The following STRN variants were observed in gnomAD, a reference collection of about 807,000 sequenced individuals.
STRN encodes the protein protein phosphatase 2 regulatory subunit B'''alpha.
In STRN, 53 loss-of-function variants were observed where a neutral mutation model predicts 96.3. The ratio of observed to expected loss-of-function variants is 0.55; its 90% CI spans 0.44 to 0.69. The LOEUF is 0.69. STRN is among the 30% of genes least tolerant of loss of function. The probability of loss-of-function intolerance (pLI) is 0.00; values close to 1 mark genes in which losing one functional copy is unlikely to be tolerated. For missense variants in STRN, 987 were observed against 963.9 expected (o/e 1.02, Z -0.32); for synonymous variants, 428 against 355.9 (o/e 1.20, Z -2.28).
chr2:36,875,109 G>T (rs1362241291), intron 10 of STRN, among the ~76,000 whole-genome samples: 1 of 152,110 alleles, frequency 6.6e-6, no homozygotes, highest in African/African-American at 2.4e-5. Flanking sequence ...TCTTTGCATA[G>T]AAAATTTTGA....
chr2:36,940,165 G>A (rs1448709790), intron 1 of STRN, among the ~76,000 whole-genome samples: 1 of 152,166 alleles, frequency 6.6e-6, no homozygotes, highest in African/African-American at 2.4e-5. Context: ...TATAATCGGA[G>A]TTAAGATATA....
intron 1 of STRN, among the ~76,000 whole-genome samples, chr2:36,947,658 A>G (rs1043633657): frequency 7.9e-5 from 12 of 151,292 alleles, no homozygotes; most frequent in Admixed American, 6.6e-4. Flanking sequence ...GTTCTTTGAC[A>G]GAGAAAGCAC....
Position 36,844,891 on chromosome 2 carries a change from G to A in STRN, c.*4565C>T, listed in dbSNP as rs532396818. 2 of 152,050 alleles carry A rather than the reference G, an allele frequency of 1.3e-5. No homozygotes were observed. The highest frequency in any genetic ancestry group is 2.4e-5 in the African/African-American group (1 of 41,400). The allele number at this position is 152,050 out of a possible 1,614,324, so 9.4% of individuals were successfully genotyped here. A position where few individuals can be genotyped will look rare whatever the true frequency, so the allele number is the denominator to read the frequency against. On this transcript the variant is annotated 3_prime_UTR_variant, in exon 18 of 18. Coordinates refer to ENST00000263918, the MANE Select transcript of STRN (RefSeq NM_003162.4). ...GTTTTTCTGGGCCTTTCTCTAAAAT[G>A]AACTTTAGGGCTTGATACATTTCAC...
rs374214231 is a variant in STRN, at chr2:36,886,836, G to C, written c.932-10C>G. The C allele has an allele frequency of 1.2e-6, 2 of 1,602,214 alleles. No homozygotes were observed. Among genetic ancestry groups the C allele is most frequent in the East Asian group, 2.2e-5 (1 of 44,620 alleles). On this transcript the variant is annotated splice_polypyrimidine_tract_variant and intron_variant, in intron 7 of 17. Coordinates refer to ENST00000263918, the MANE Select transcript of STRN (RefSeq NM_003162.4). ...CACTGGTCTTCCTTTTCTAAACAGAGTGAAACAAATGAAACAGCCTTTTTC... is the reference window on the plus strand; with the variant it reads ...CACTGGTCTTCCTTTTCTAAACAGACTGAAACAAATGAAACAGCCTTTTTC...
At chr2:36,862,384 C>T (rs1028061054) in intron 12 of STRN, among the ~76,000 whole-genome samples, 1 of 152,162 alleles carries the variant, frequency 6.6e-6, no homozygotes, top group Non-Finnish European at 1.5e-5. Context: ...TTAAGTGTTC[C>T]TTTTTCTCCA....
At position 36,966,455 on chromosome 2, in the gene STRN, C is replaced by T. The variant is rs1665167992; in HGVS notation, c.9G>A (p.Glu3=). 8 of 1,460,394 alleles carry T rather than the reference C, an allele frequency of 5.5e-6. No individual in the cohort carries two copies. The highest frequency in any genetic ancestry group is 6.3e-6 in the Non-Finnish European group (7 of 1,108,406). 90.5% of individuals were successfully genotyped at this position (1,460,394 alleles called of 1,614,324 possible). MD[E]QAGPGVFFSN... is the part of the protein sequence containing the mutation. The stretch of plus-strand genomic sequence containing the variant: ...TGAAGAAGACGCCGGGACCCGCCTG[C>T]TCGTCCATGGCGGCCGCAGATACCC... The change falls in exon 1 of 18, where the codon GAG becomes GAA. Residue 3 remains glutamate, a synonymous_variant. Coordinates refer to ENST00000263918, the MANE Select transcript of STRN (RefSeq NM_003162.4).
In STRN at chr2:36,867,765, C is replaced by G. The variant is rs375007604; in HGVS notation, c.1547+49G>C. On this transcript the variant is annotated intron_variant, in intron 12 of 17. Coordinates refer to ENST00000263918, the MANE Select transcript of STRN (RefSeq NM_003162.4). ...AAGAAAATAAAATATCCTAACCAGG[C>G]TATTTTACAGAGATATCGGTTTAAA... The G allele has an allele frequency of 2.6e-5, 32 of 1,224,994 alleles. No individual in the cohort carries two copies. The African/African-American group carries it at 4.0e-4, about 15-fold the overall frequency. The allele number at this position is 1,224,994 out of a possible 1,614,324, so 75.9% of individuals were successfully genotyped here.
chr2:36,926,631 T>C (rs1670417895), intron 1 of STRN, among the ~76,000 whole-genome samples: 2 of 152,220 alleles, frequency 1.3e-5, no homozygotes, highest in African/African-American at 2.4e-5. Flanking sequence ...ATCCAACTTA[T>C]CTAGTCTCTT....
chr2:36,862,887 C>T (rs1668528968), intron 12 of STRN, among the ~76,000 whole-genome samples: 1 of 152,104 alleles, frequency 6.6e-6, no homozygotes, highest in Admixed American at 6.5e-5. Flanking sequence ...AGGCGCCCAC[C>T]ACCACGCCCG....
chr2:36,948,040 T>A lies in STRN; in HGVS notation c.234+18190A>T, dbSNP rs146325668. Among the ~76,000 whole-genome samples, 414 of 147,214 alleles carry A rather than the reference T, an allele frequency of 2.8e-3. 3 individuals carry two copies. The highest frequency in any genetic ancestry group is 8.9e-3 in the African/African-American group (356 of 40,076). On this transcript the variant is annotated intron_variant, in intron 1 of 17. Transcript: ENST00000263918. ...TCTTCCAAAACATTTCCCCTCATCCTATAGAATGATCATCCTCTCCTCTAT... is the reference window on the plus strand; with the variant it reads ...TCTTCCAAAACATTTCCCCTCATCCAATAGAATGATCATCCTCTCCTCTAT...
chr2:36,881,613 G>A (rs1669072586), intron 9 of STRN, among the ~76,000 whole-genome samples: 1 of 152,096 alleles, frequency 6.6e-6, no homozygotes, highest in Non-Finnish European at 1.5e-5. Context: ...GAGGGGGAAG[G>A]CTTAGGACCA....
chr2:36,933,634 G>A (rs1427457824), intron 1 of STRN, among the ~76,000 whole-genome samples: 4 of 152,114 alleles, frequency 2.6e-5, no homozygotes, highest in Non-Finnish European at 4.4e-5. Flanking sequence ...GTTTTTGGAA[G>A]TTTTTTTGAG....
At chr2:36,891,493 C>G (rs957333333) in intron 7 of STRN, among the ~76,000 whole-genome samples, 1 of 151,786 alleles carries the variant, frequency 6.6e-6, no homozygotes, top group African/African-American at 2.4e-5. Flanking sequence ...CCACTGCACT[C>G]TAGCCTGGGC....
intron 4 of STRN, among the ~76,000 whole-genome samples, chr2:36,904,663 C>T (rs902345082): frequency 6.6e-6 from 1 of 151,890 alleles, no homozygotes; most frequent in African/African-American, 2.4e-5. Context: ...CCCATCTCTA[C>T]AAAAATACAA....
At chr2:36,929,359 CATTTA>C (rs1670507757) in intron 1 of STRN, among the ~76,000 whole-genome samples, 1 of 151,914 alleles carries the variant, frequency 6.6e-6, no homozygotes, top group African/African-American at 2.4e-5. Context: ...TAAAATGCAC[CATTTA>C]ATTTATTAAA....
intron 1 of STRN, among the ~76,000 whole-genome samples, chr2:36,949,311 C>T (rs1664697007): frequency 6.6e-6 from 1 of 152,124 alleles, no homozygotes; most frequent in Non-Finnish European, 1.5e-5. Context: ...CAGAACATAT[C>T]CCTGTTGTTA....
intron 1 of STRN, among the ~76,000 whole-genome samples, chr2:36,933,241 T>C (rs1670619838): frequency 6.6e-6 from 1 of 152,146 alleles, no homozygotes; most frequent in Non-Finnish European, 1.5e-5. Flanking sequence ...ATAAATAATC[T>C]AGAGATGATT....
chr2:36,955,392 G>A (rs981804112), intron 1 of STRN, among the ~76,000 whole-genome samples: 2 of 152,208 alleles, frequency 1.3e-5, no homozygotes, highest in African/African-American at 4.8e-5. Flanking sequence ...GAGGAGGGCA[G>A]TGCACATGTG....
chr2:36,868,423 C>G (rs893321589), intron 11 of STRN, among the ~76,000 whole-genome samples: 1 of 152,128 alleles, frequency 6.6e-6, no homozygotes, highest in Non-Finnish European at 1.5e-5. Flanking sequence ...AAGAGACTGT[C>G]CAAATTATCA....
Sources: allele counts gnomAD v4.1 joint callset (sites outside exome capture counted in the v4.1 genomes callset), GRCh38; gene constraint gnomAD v4.1.1; transcripts MANE v1.5; gene names NCBI Gene and HGNC (gene_info 2026-07-23, HGNC 2026-07-21).